Variants in POU2F3 observed in about 807,000 individuals in gnomAD.
POU2F3 encodes POU domain, class 2, transcription factor 3.
A neutral mutation model predicts 59.2 loss-of-function variants in POU2F3; 23 were observed. That is an observed-to-expected ratio of 0.39 (90% CI 0.28 to 0.55). POU2F3 has a LOEUF of 0.55. Among genes scored for constraint, POU2F3 ranks in the 20% least tolerant of loss-of-function variants. The pLI is 0.66. For synonymous variants in POU2F3, 190 were observed against 214.6 expected (o/e 0.89, Z 1.00); for missense variants, 473 against 544.5 (o/e 0.87, Z 1.31).
At chr11:120,284,376 G>A (rs1403208919) in intron 3 of POU2F3, among the ~76,000 whole-genome samples, 2 of 152,120 alleles carry the variant, frequency 1.3e-5, no homozygotes, top group Non-Finnish European at 2.9e-5. Context: ...CCAGGAAGGT[G>A]AACTTGTTGG....
Position 120,240,342 on chromosome 11 carries a change from G to A in POU2F3, c.-2G>A, listed in dbSNP as rs759411824. On this transcript the variant is annotated 5_prime_UTR_variant, in exon 1 of 13. Coordinates refer to ENST00000543440, the MANE Select transcript of POU2F3 (RefSeq NM_014352.4). ...GCTGGCTTTGGCCCCGCCTGGGGCA[G>A]GATGGTGAATCTGGAGTCCATGCAC... The A allele has an allele frequency of 2.1e-6, 3 of 1,413,790 alleles. No individual in the cohort carries two copies. Among genetic ancestry groups the A allele is most frequent in the Non-Finnish European group, 2.8e-6 (3 of 1,072,650 alleles). 87.6% of individuals were successfully genotyped at this position (1,413,790 alleles called of 1,614,324 possible).
chr11:120,281,095 C>G (rs1940550703), intron 3 of POU2F3, among the ~76,000 whole-genome samples: 1 of 152,140 alleles, frequency 6.6e-6, no homozygotes, highest in East Asian at 1.9e-4. Context: ...TAAAAATAAA[C>G]TTTTTCCACC....
intron 11 of POU2F3, among the ~76,000 whole-genome samples, chr11:120,316,905 C>T (rs774645472): frequency 9.9e-5 from 15 of 152,198 alleles, no homozygotes; most frequent in Non-Finnish European, 2.1e-4. Flanking sequence ...TGGTCTGGGG[C>T]TGCATGTGCC....
At chr11:120,310,976 C>T (rs557863718) in intron 10 of POU2F3, among the ~76,000 whole-genome samples, 1 of 152,186 alleles carries the variant, frequency 6.6e-6, no homozygotes, top group South Asian at 2.1e-4. Flanking sequence ...CAGGCTTCCC[C>T]GAGGAGATAA....
chr11:120,317,310 C>G lies in POU2F3; in HGVS notation c.1217C>G (p.Ser406Cys), dbSNP rs748170821. ...CTCCACGCCAGCAGCCCCACTGCAT[C>G]TCAAAATAACTCCAAAGCAGCAGTG... ...SGLHASSPTA[S>C]QNNSKAAVNS... is the part of the protein sequence containing the mutation. Residue 406 changes from serine (S) to cysteine (C), a missense_variant, in exon 12 of 13, where the codon TCT becomes TGT. Physicochemically the swap from Ser to Cys is moderately radical, Grantham distance 112. Transcript: ENST00000543440. 2.5e-6 allele frequency: 4 copies of G among 1,614,168 alleles called. No individual in the cohort carries two copies. The South Asian group carries it at 4.4e-5, about 18-fold the overall frequency.
intron 3 of POU2F3, among the ~76,000 whole-genome samples, chr11:120,283,601 T>A (rs1940658205): frequency 6.6e-6 from 1 of 152,162 alleles, no homozygotes. Context: ...GAAGTAGGCA[T>A]CTTGATTCTG....
chr11:120,315,478 T>C (rs1941760639), intron 11 of POU2F3, 51 bp downstream of exon 11: 2 of 1,542,942 alleles, frequency 1.3e-6, no homozygotes, highest in South Asian at 2.2e-5. Flanking sequence ...TTTTAAAAAA[T>C]GGGATATTAG....
At chr11:120,240,791 T>A (rs539031217) in intron 1 of POU2F3, among the ~76,000 whole-genome samples, 1 of 152,146 alleles carries the variant, frequency 6.6e-6, no homozygotes, top group African/African-American at 2.4e-5. Flanking sequence ...TCCGGGCATA[T>A]GTGTGAAATG....
chr11:120,307,230 C>T (rs1381096245), intron 8 of POU2F3, among the ~76,000 whole-genome samples: 1 of 152,198 alleles, frequency 6.6e-6, no homozygotes, highest in African/African-American at 2.4e-5. Flanking sequence ...CCACAGAGGG[C>T]CATGGAGGGT....
chr11:120,255,816 G>A (rs1167376604), intron 2 of POU2F3, among the ~76,000 whole-genome samples: 1 of 152,132 alleles, frequency 6.6e-6, no homozygotes. Context: ...GAGGACATCT[G>A]AGTTCGTGGG....
upstream of POU2F3, chr11:120,236,689 A>T: frequency 1.3e-6 from 2 of 1,506,216 alleles, no homozygotes; most frequent in South Asian, 2.4e-5. Context: ...GTCTCCAAGA[A>T]CTGCTAAAGG....
At chr11:120,291,396 C>T (rs1053773914) in intron 3 of POU2F3, among the ~76,000 whole-genome samples, 3 of 152,212 alleles carry the variant, frequency 2.0e-5, no homozygotes, top group Non-Finnish European at 1.5e-5. Context: ...AGCTGTGTTT[C>T]CCTGAGCAAG....
chr11:120,254,524 A>G (rs1939253003), intron 2 of POU2F3, among the ~76,000 whole-genome samples: 1 of 152,214 alleles, frequency 6.6e-6, no homozygotes, highest in Non-Finnish European at 1.5e-5. Context: ...GGGCTTGCCC[A>G]GGATGACCCA....
chr11:120,249,950 C>T (rs1255721140), intron 2 of POU2F3: 1 of 152,200 alleles, frequency 6.6e-6, no homozygotes. Context: ...CTATCAGACT[C>T]TTATCCTAGG....
chr11:120,302,822 C>A (rs1465904031), intron 6 of POU2F3: 1 of 156,680 alleles, frequency 6.4e-6, no homozygotes, highest in African/African-American at 2.4e-5. Flanking sequence ...TTCCAGATTG[C>A]CTCCTGCAGT....
intron 2 of POU2F3, among the ~76,000 whole-genome samples, chr11:120,266,432 C>T (rs143965670): frequency 6.5e-4 from 99 of 152,212 alleles, no homozygotes; most frequent in African/African-American, 2.3e-3. Context: ...TAAGTCAGAT[C>T]ATGTTACTCC....
chr11:120,251,383 A>T (rs931661916), intron 2 of POU2F3, among the ~76,000 whole-genome samples: 1 of 152,250 alleles, frequency 6.6e-6, no homozygotes. Flanking sequence ...GCAAGTCTGA[A>T]CTGTATTTGT....
intron 3 of POU2F3, among the ~76,000 whole-genome samples, chr11:120,288,133 A>AAAAAAAAC (rs1940868805): frequency 6.9e-6 from 1 of 145,968 alleles, no homozygotes; most frequent in Non-Finnish European, 1.5e-5. Flanking sequence ...AAAACCAAAA[A>AAAAAAAAC]AAAAAAAAAA....
chr11:120,298,521 G>A, intron 4 of POU2F3, 131 bp downstream of exon 4: 1 of 1,302,744 alleles, frequency 7.7e-7, no homozygotes, highest in Non-Finnish European at 1.1e-6. Flanking sequence ...TGGAGGCTGT[G>A]AGTAGGGTTC....
Sources: gnomAD v4.1 joint callset for allele counts (sites outside exome capture counted in the v4.1 genomes callset) on GRCh38, gnomAD v4.1.1 for gene constraint, MANE v1.5 for transcripts, NCBI Gene and HGNC (gene_info 2026-07-23, HGNC 2026-07-21) for gene names.